The following VPS35 variants were observed in gnomAD, a reference collection of about 807,000 sequenced individuals.
The protein encoded by VPS35 is VPS35 retromer complex component.
In VPS35, 21 loss-of-function variants were observed where a neutral mutation model predicts 98.1. That is an observed-to-expected ratio of 0.21 (90% CI 0.15 to 0.31). The LOEUF (loss-of-function observed/expected upper bound fraction) is 0.31, where lower values mean the gene tolerates loss of function less well. Among genes scored for constraint, VPS35 ranks in the 10% least tolerant of loss-of-function variants. The probability of loss-of-function intolerance (pLI) is 1.00; values close to 1 mark genes in which losing one functional copy is unlikely to be tolerated. For missense variants in VPS35, 554 were observed against 950.8 expected (o/e 0.58, Z 5.49); for synonymous variants, 268 against 318.2 (o/e 0.84, Z 1.68).
rs750463506 is a variant in VPS35, at chr16:46,681,434, C to T, written c.266G>A (p.Arg89Lys). Residue 89 changes from arginine (R) to lysine (K), a missense_variant, in exon 4 of 17, where the codon AGG becomes AAG. By Grantham distance (26) the Arg-to-Lys change is conservative. This residue lies in a region of VPS35 where 67 missense variants were observed against 103.3 expected (regional missense o/e 0.65). Transcript: ENST00000299138. ...AAGTTCGTAGAGATCTGCCACTTTC[C>T]TTCCTTTAGCAAACTCATCTGTCAG... ...VYLTDEFAKG[R>K]KVADLYELVQ... 2.5e-6 allele frequency: 4 copies of T among 1,613,722 alleles called. No homozygotes were observed. The highest frequency in any genetic ancestry group is 3.4e-6 in the Non-Finnish European group (4 of 1,179,766).
At chr16:46,672,168 G>A (rs573966103) in intron 11 of VPS35, 97 bp downstream of exon 11, 31 of 1,025,092 alleles carry the variant, frequency 3.0e-5, no homozygotes, top group African/African-American at 2.4e-4. Flanking sequence ...ATTTTATTTA[G>A]TATTGAATTA....
chr16:46,662,563 C>T, intron 14 of VPS35, 81 bp from the exon 15 acceptor site: 1 of 1,595,700 alleles, frequency 6.3e-7, no homozygotes, highest in Non-Finnish European at 8.5e-7. Context: ...TGTCACCAAA[C>T]CTCCATCCTG....
intron 10 of VPS35, chr16:46,673,629 G>A (rs2143007645): frequency 6.5e-6 from 1 of 152,958 alleles, no homozygotes; most frequent in South Asian, 2.1e-4. Context: ...GCTTCAGGTT[G>A]GAAATAGTAC....
At chr16:46,678,657 A>G (rs1009987146) in intron 6 of VPS35, among the ~76,000 whole-genome samples, 1 of 152,164 alleles carries the variant, frequency 6.6e-6, no homozygotes, top group African/African-American at 2.4e-5. Context: ...TTGTTTCTTC[A>G]TATAAACTTT....
Position 46,662,978 on chromosome 16 carries a change from A to T in VPS35, c.1827+5T>A. On this transcript the variant is annotated splice_donor_5th_base_variant and intron_variant, in intron 14 of 16. Transcript: ENST00000299138. ...CATGACAACGCAGAAAGAACAGATC[A>T]TCACCTGGGACATGAATTCATATGC... The T allele has an allele frequency of 6.2e-7, 1 of 1,614,236 alleles. No homozygotes were observed. Among genetic ancestry groups the T allele is most frequent in the Admixed American group, 1.7e-5 (1 of 60,034 alleles).
chr16:46,680,582 A>G, intron 5 of VPS35, 89 bp downstream of exon 5: 1 of 1,394,788 alleles, frequency 7.2e-7, no homozygotes, highest in Non-Finnish European at 1.0e-6. Flanking sequence ...AGAATTATTC[A>G]CACTTTGTTT....
intron 1 of VPS35, 27 bp downstream of exon 1, chr16:46,689,104 A>T: frequency 6.2e-7 from 1 of 1,606,958 alleles, no homozygotes. Context: ...GGGTCGACCC[A>T]GGTGCCACTG....
rs754978958 is a variant in VPS35 at position 46,662,492 on chromosome 16, A to G, written c.1828-10T>C. ...CATACAGAGAAAATGCCTAGTGAAC[A>G]TAAAGCAGAAAGGACTTTCAAGGAC... On this transcript the variant is annotated splice_polypyrimidine_tract_variant and intron_variant, in intron 14 of 16. Transcript: ENST00000299138. 1.9e-6 allele frequency: 3 copies of G among 1,613,524 alleles called. No individual in the cohort carries two copies. The highest frequency in any genetic ancestry group is 2.5e-6 in the Non-Finnish European group (3 of 1,180,016).
rs1312194696 is a variant in VPS35 at position 46,661,568 on chromosome 16, C to T, written c.2211+150G>A. 1.3e-6 allele frequency: 1 copy of T among 779,560 alleles called. No individual in the cohort carries two copies. Among genetic ancestry groups the T allele is most frequent in the East Asian group, 2.8e-5 (1 of 36,008 alleles). 48.3% of individuals were successfully genotyped at this position (779,560 alleles called of 1,614,324 possible). ...AAACTAGAACATTATGACAAATTAG[C>T]CTATTATTTGACATCTGTAAATTAT... On this transcript the variant is annotated intron_variant, in intron 16 of 16. Coordinates refer to ENST00000299138, the MANE Select transcript of VPS35 (RefSeq NM_018206.6). This position sits in a 1 kb window ranked among gnomAD's most constrained non-coding sequence, Gnocchi z 4.3.
intron 1 of VPS35, among the ~76,000 whole-genome samples, chr16:46,687,973 A>G (rs1966348428): frequency 6.6e-6 from 1 of 152,236 alleles, no homozygotes; most frequent in South Asian, 2.1e-4. Flanking sequence ...CCATTACAAA[A>G]CAATATAAAT....
At chr16:46,674,779 TG>T in intron 8 of VPS35, 119 bp from the exon 9 acceptor site, 2 of 1,006,948 alleles carry the variant, frequency 2.0e-6, no homozygotes, top group South Asian at 1.5e-5. Context: ...AAAAGGTTTT[TG>T]TTTTTTTTGT....
chr16:46,672,003 T>C (rs1423766800), intron 11 of VPS35, 143 bp from the exon 12 acceptor site: 1 of 1,153,426 alleles, frequency 8.7e-7, no homozygotes. Context: ...GATACACATG[T>C]ATGTCATACA....
chr16:46,663,047 G>C lies in VPS35; in HGVS notation c.1763C>G (p.Ala588Gly). Residue 588 changes from alanine to glycine, a missense_variant, in exon 14 of 17, where the codon GCA becomes GGA. Ala to Gly is a moderately conservative substitution (Grantham distance 60). This residue lies in a region of VPS35 where 254 missense variants were observed against 390.1 expected (regional missense o/e 0.65). Coordinates refer to ENST00000299138, the MANE Select transcript of VPS35 (RefSeq NM_018206.6). The part of the protein sequence containing the change: ...ELPLRLFLQG[A>G]LAAGEIGFEN... ...AAAACCAATTTCCCCAGCAGCTAGT[G>C]CTCCTTGAAGAAAAAGTCTTAAGGG... is the stretch of plus-strand genomic sequence containing the variant. The C allele has an allele frequency of 1.9e-6, 3 of 1,614,210 alleles. No homozygotes were observed. Among genetic ancestry groups the C allele is most frequent in the East Asian group, 4.5e-5 (2 of 44,890 alleles).
At chr16:46,688,762 C>T in intron 1 of VPS35, 1 of 1,241,356 alleles carries the variant, frequency 8.1e-7, no homozygotes, top group Non-Finnish European at 1.0e-6. Context: ...GGCCTCCACG[C>T]GCCCCGGGGG....
At chr16:46,685,994 T>A (rs1966305496) in intron 1 of VPS35, among the ~76,000 whole-genome samples, 1 of 152,200 alleles carries the variant, frequency 6.6e-6, no homozygotes. Context: ...TACCACCATC[T>A]ATCTCTAAAA....
chr16:46,688,555 T>C, intron 1 of VPS35: 2 of 992,080 alleles, frequency 2.0e-6, no homozygotes, highest in African/African-American at 1.7e-5. Context: ...ACAGCCTGAG[T>C]CCTTCCAGGA....
chr16:46,688,583 C>T lies in VPS35; in HGVS notation c.3+548G>A, dbSNP rs576161528. ...TTCCAGGAAATTCATGTAAGCAGGT[C>T]CCCAGAACTCGCTGACAAACACTGC... On this transcript the variant is annotated intron_variant, in intron 1 of 16. Coordinates refer to ENST00000299138, the MANE Select transcript of VPS35 (RefSeq NM_018206.6). The T allele has an allele frequency of 3.8e-5, 38 of 996,884 alleles. 1 individual carries two copies. The African/African-American group carries it at 6.4e-4, about 17-fold the overall frequency. 61.8% of individuals were successfully genotyped at this position (996,884 alleles called of 1,614,324 possible).
In VPS35 at chr16:46,660,442, T is replaced by A; in HGVS notation, c.*30A>T. The A allele has an allele frequency of 1.9e-6, 3 of 1,611,598 alleles. No homozygotes were observed. Among genetic ancestry groups the A allele is most frequent in the Non-Finnish European group, 2.5e-6 (3 of 1,179,794 alleles). The stretch of plus-strand genomic sequence containing the variant: ...TAATAAAACCCTCACTGGATGTACA[T>A]GGAAAGGAGTATGGTGAGCTATTTC... On this transcript the variant is annotated 3_prime_UTR_variant, in exon 17 of 17. Coordinates refer to ENST00000299138, the MANE Select transcript of VPS35 (RefSeq NM_018206.6).
chr16:46,666,268 ATT>A (rs747687406), intron 13 of VPS35, among the ~76,000 whole-genome samples: 25 of 132,392 alleles, frequency 1.9e-4, no homozygotes, highest in East Asian at 2.2e-4. Flanking sequence ...TAATTTTTTA[ATT>A]TTTTTTTTTT....
Sources: allele counts gnomAD v4.1 joint callset (sites outside exome capture counted in the v4.1 genomes callset), GRCh38; gene constraint gnomAD v4.1.1; regional missense constraint gnomAD v4.1.1; non-coding constraint Gnocchi (gnomAD v3.1); transcripts MANE v1.5; gene names NCBI Gene and HGNC (gene_info 2026-07-23, HGNC 2026-07-21).